The following KAZN variants were observed in gnomAD, a reference collection of about 807,000 sequenced individuals.
The protein encoded by KAZN is kazrin, periplakin interacting protein.
KAZN carries 40 observed loss-of-function variants against 87.4 expected under a neutral mutation model. The ratio of observed to expected loss-of-function variants is 0.46; its 90% CI spans 0.36 to 0.60. The LOEUF (loss-of-function observed/expected upper bound fraction) is 0.60, where lower values mean the gene tolerates loss of function less well. Among genes scored for constraint, KAZN ranks in the 20% least tolerant of loss-of-function variants. The pLI, the probability that KAZN is intolerant of heterozygous loss-of-function variation, is 0.00. For missense variants in KAZN, 898 were observed against 1,073.9 expected (o/e 0.84, Z 2.29); for synonymous variants, 466 against 458.3 (o/e 1.02, Z -0.22).
intron 1 of KAZN, among the ~76,000 whole-genome samples, chr1:13,911,400 G>A (rs1639647356): frequency 6.6e-6 from 1 of 152,042 alleles, no homozygotes; most frequent in African/African-American, 2.4e-5. Context: ...CTCACTTTCG[G>A]GATCCTGAAG....
chr1:14,417,715 G>A (rs543977984), intron 2 of KAZN, among the ~76,000 whole-genome samples: 104 of 152,116 alleles, frequency 6.8e-4, no homozygotes, highest in African/African-American at 2.4e-3. Context: ...ACCTACATCG[G>A]GCCGGGTGTG....
At chr1:14,620,582 A>G (rs1473250418) in intron 1 of KAZN, among the ~76,000 whole-genome samples, 1 of 152,148 alleles carries the variant, frequency 6.6e-6, no homozygotes, top group Non-Finnish European at 1.5e-5. Flanking sequence ...CAGGGTAACC[A>G]TGGAAACTTT....
chr1:15,055,036 C>T (rs1009630477), intron 4 of KAZN, among the ~76,000 whole-genome samples: 10 of 152,102 alleles, frequency 6.6e-5, no homozygotes, highest in Non-Finnish European at 1.3e-4. Flanking sequence ...GTGCACATGG[C>T]ACTTCTCTGG....
chr1:14,661,392 G>C (rs902727955), intron 1 of KAZN, among the ~76,000 whole-genome samples: 31 of 152,100 alleles, frequency 2.0e-4, no homozygotes, highest in Non-Finnish European at 4.4e-5. Context: ...GTTAAGAGCA[G>C]AGCTTGGCAA....
intron 1 of KAZN, among the ~76,000 whole-genome samples, chr1:14,870,499 A>G (rs1652018148): frequency 6.6e-6 from 1 of 151,960 alleles, no homozygotes; most frequent in Non-Finnish European, 1.5e-5. Context: ...GCACTACCAC[A>G]CTGGCTAATT....
chr1:14,306,267 T>A (rs111846961), intron 2 of KAZN, among the ~76,000 whole-genome samples: 2,915 of 152,302 alleles, frequency 0.019, 99 homozygotes, highest in African/African-American at 0.067. Flanking sequence ...ATTGCTCCCC[T>A]GATGTGCTCT....
intron 2 of KAZN, among the ~76,000 whole-genome samples, chr1:14,480,921 T>C (rs1388382289): frequency 2.7e-5 from 4 of 148,014 alleles, no homozygotes; most frequent in Non-Finnish European, 4.5e-5. Flanking sequence ...TTATATATAA[T>C]ATATTAATAG....
intron 1 of KAZN, among the ~76,000 whole-genome samples, chr1:14,130,255 A>G (rs12405046): frequency 0.07 from 10,726 of 152,198 alleles, 480 homozygotes; most frequent in Middle Eastern, 0.13. Flanking sequence ...TGGGGAGGGC[A>G]GGTGGCTGGG....
At chr1:14,868,924 C>G (rs1318826674) in intron 1 of KAZN, among the ~76,000 whole-genome samples, 1 of 151,872 alleles carries the variant, frequency 6.6e-6, no homozygotes, top group Non-Finnish European at 1.5e-5. Context: ...TCGGGGTTGG[C>G]GGGGGGGTGC....
chr1:14,930,435 G>C (rs1236369951), intron 1 of KAZN, among the ~76,000 whole-genome samples: 1 of 152,204 alleles, frequency 6.6e-6, no homozygotes, highest in Non-Finnish European at 1.5e-5. Context: ...CACAGCCTCA[G>C]CAGCATGTTC....
chr1:14,295,716 T>C (rs1654061796), intron 2 of KAZN, among the ~76,000 whole-genome samples: 1 of 152,122 alleles, frequency 6.6e-6, no homozygotes, highest in Admixed American at 6.5e-5. Flanking sequence ...ACCTAGTTAA[T>C]TCCCAAACAT....
intron 1 of KAZN, among the ~76,000 whole-genome samples, chr1:14,005,939 T>C (rs997503477): frequency 7.2e-5 from 11 of 152,184 alleles, no homozygotes; most frequent in African/African-American, 2.4e-4. Flanking sequence ...ACAAAGACTA[T>C]ATGTATCCAT....
chr1:14,214,789 G>A (rs977853927), intron 2 of KAZN, among the ~76,000 whole-genome samples: 8 of 152,220 alleles, frequency 5.3e-5, no homozygotes, highest in African/African-American at 1.9e-4. Context: ...GAGCTGGGGA[G>A]TTGACTTAAT....
chr1:14,579,149 T>C (rs1367060521), intron 2 of KAZN, among the ~76,000 whole-genome samples: 1 of 152,134 alleles, frequency 6.6e-6, no homozygotes, highest in Non-Finnish European at 1.5e-5. Context: ...CACTTAGGGA[T>C]TTGCCTAAGT....
At chr1:14,811,623 G>A (rs1315748083) in intron 1 of KAZN, among the ~76,000 whole-genome samples, 1 of 152,120 alleles carries the variant, frequency 6.6e-6, no homozygotes, top group African/African-American at 2.4e-5. Flanking sequence ...TTTAATGTAG[G>A]GAAGCAAGCT....
chr1:15,044,302 G>A (rs574511664), intron 4 of KAZN, 143 bp downstream of exon 4: 45 of 832,534 alleles, frequency 5.4e-5, no homozygotes, highest in African/African-American at 2.8e-4. Flanking sequence ...GGCAGGGCCC[G>A]CCGCGGGAGG....
chr1:14,240,778 C>T (rs533610800), intron 2 of KAZN, among the ~76,000 whole-genome samples: 1 of 152,332 alleles, frequency 6.6e-6, no homozygotes, highest in East Asian at 1.9e-4. Context: ...ATGTCACAGG[C>T]TGTGAAATCT....
intron 1 of KAZN, among the ~76,000 whole-genome samples, chr1:14,712,710 C>T (rs1024415880): frequency 6.6e-6 from 1 of 152,148 alleles, no homozygotes; most frequent in African/African-American, 2.4e-5. Flanking sequence ...GCTGAGCCTC[C>T]ACAGGGAAAG....
chr1:15,031,845 A>C (rs1188725096), intron 2 of KAZN, among the ~76,000 whole-genome samples: 3 of 152,122 alleles, frequency 2.0e-5, no homozygotes, highest in Non-Finnish European at 4.4e-5. Flanking sequence ...TCCTGGACTC[A>C]AGCAATCCTC....
Sources: allele counts gnomAD v4.1 joint callset (sites outside exome capture counted in the v4.1 genomes callset), GRCh38; gene constraint gnomAD v4.1.1; transcripts MANE v1.5; gene names NCBI Gene and HGNC (gene_info 2026-07-23, HGNC 2026-07-21).